ZNF521: variants seen among roughly 807,000 people sequenced by gnomAD.
ZNF521 encodes the protein LYST-interacting protein 3.
ZNF521 carries 14 observed loss-of-function variants against 105.5 expected under a neutral mutation model. That is an observed-to-expected ratio of 0.13 (90% CI 0.09 to 0.21). ZNF521 has a LOEUF of 0.21. Among genes scored for constraint, ZNF521 ranks in the 10% least tolerant of loss-of-function variants. The pLI is 1.00. For synonymous variants in ZNF521, 635 were observed against 606.0 expected (o/e 1.05, Z -0.70); for missense variants, 1,233 against 1,629.7 (o/e 0.76, Z 4.19).
intron 4 of ZNF521, among the ~76,000 whole-genome samples, chr18:25,213,396 G>A (rs966191110): frequency 6.6e-6 from 1 of 151,370 alleles, no homozygotes; most frequent in African/African-American, 2.4e-5. Context: ...ATTGACTTTT[G>A]AGATAAAAAT....
intron 5 of ZNF521, among the ~76,000 whole-genome samples, chr18:25,104,523 A>G (rs1200524447): frequency 2.6e-5 from 4 of 152,210 alleles, no homozygotes; most frequent in African/African-American, 4.8e-5. Context: ...AGAAATCATA[A>G]AAGTCCAGGA....
At chr18:25,333,175 C>T (rs1417873206) in intron 2 of ZNF521, among the ~76,000 whole-genome samples, 2 of 151,432 alleles carry the variant, frequency 1.3e-5, no homozygotes, top group East Asian at 3.9e-4. Context: ...TCCAAATATG[C>T]ATAAAGTAAT....
intron 5 of ZNF521, among the ~76,000 whole-genome samples, chr18:25,141,385 C>G (rs1426019796): frequency 6.6e-6 from 1 of 152,166 alleles, no homozygotes; most frequent in Non-Finnish European, 1.5e-5. Flanking sequence ...ACCACACTAC[C>G]CACATGCTTT....
chr18:25,324,035 T>A (rs535819229), intron 2 of ZNF521, among the ~76,000 whole-genome samples: 1 of 152,162 alleles, frequency 6.6e-6, no homozygotes, highest in African/African-American at 2.4e-5. Context: ...TGATTTGCCA[T>A]CTGGAAAATT....
intron 3 of ZNF521, among the ~76,000 whole-genome samples, chr18:25,275,666 A>T (rs1021037897): frequency 1.3e-5 from 2 of 152,170 alleles, no homozygotes; most frequent in African/African-American, 4.8e-5. Flanking sequence ...TCTCCCCATC[A>T]GCCAAGGTTT....
intron 2 of ZNF521, among the ~76,000 whole-genome samples, chr18:25,350,069 C>T (rs1045655347): frequency 6.6e-6 from 1 of 152,174 alleles, no homozygotes; most frequent in South Asian, 2.1e-4. Context: ...ACGTGACTCT[C>T]CTCGCCACAT....
At chr18:25,149,943 T>C (rs1188377977) in intron 5 of ZNF521, among the ~76,000 whole-genome samples, 3 of 152,164 alleles carry the variant, frequency 2.0e-5, no homozygotes, top group African/African-American at 7.2e-5. Context: ...CCATCAAAAC[T>C]TTTTTATAAC....
intron 5 of ZNF521, among the ~76,000 whole-genome samples, chr18:25,179,731 C>T (rs1475700697): frequency 6.6e-6 from 1 of 152,156 alleles, no homozygotes; most frequent in East Asian, 1.9e-4. Flanking sequence ...ATTCATTTCA[C>T]TTTTGTACCA....
chr18:25,062,712 C>T lies in ZNF521; in HGVS notation c.3936G>A (p.Ter1312=), dbSNP rs2032930554. 1.5e-6 allele frequency: 2 copies of T among 1,331,626 alleles called. No homozygotes were observed. The highest frequency in any genetic ancestry group is 2.0e-6 in the Non-Finnish European group (2 of 1,014,314). 82.5% of individuals were successfully genotyped at this position (1,331,626 alleles called of 1,614,324 possible). A position where few individuals can be genotyped will look rare whatever the true frequency, so the allele number is the denominator to read the frequency against. ...TTCTCCTTGAGAGACTGTACTTGCACTAACTGCTGTGTTGGGTCATTGTAT... is the reference window on the plus strand; with the variant it reads ...TTCTCCTTGAGAGACTGTACTTGCATTAACTGCTGTGTTGGGTCATTGTAT... ...QNHTMTQHSS[*] Residue 1312 remains the stop codon, a stop_retained_variant, in exon 8 of 8, where the codon TAG becomes TAA. Transcript: ENST00000361524.
intron 5 of ZNF521, among the ~76,000 whole-genome samples, chr18:25,140,783 T>C (rs1159648976): frequency 6.6e-6 from 1 of 152,168 alleles, no homozygotes; most frequent in African/African-American, 2.4e-5. Context: ...TGAAGATTTT[T>C]TAGTGTAGAA....
At position 25,226,821 on chromosome 18, in the gene ZNF521, T is replaced by G. The variant is rs745886058; in HGVS notation, c.1097A>C (p.Asp366Ala). ...GGCAGCTTCCACCATGGTTGAGCTG[T>G]CCACTGAGAGGTTGGAATCTGGAGT... ...STTPDSNLSV[D>A]SSTMVEAAPP... The change falls in exon 4 of 8, where the codon GAC becomes GCC. Residue 366 changes from aspartate (D) to alanine (A), a missense_variant. Around this residue, in one of 6 missense-constraint regions of ZNF521, gnomAD observed 380 missense variants for 478.0 expected, o/e 0.80. Transcript: ENST00000361524. The surrounding 1 kb of genome is among the most constrained non-coding windows in gnomAD (Gnocchi z 4.1). 3 of 1,614,012 alleles carry G rather than the reference T, an allele frequency of 1.9e-6. No homozygotes were observed. The South Asian group carries it at 3.3e-5, about 18-fold the overall frequency.
rs775552635 is a variant in ZNF521, at chr18:25,062,749, T to TAAA, written c.3907-9_3907-8insTTT. ...TTGGGTCATTGTATGATTCTGTAAA[T>TAAA]AACAAAAAAAAAAAAAAAAAAAAAA... On this transcript the variant is annotated splice_polypyrimidine_tract_variant and intron_variant, in intron 7 of 7. Coordinates refer to ENST00000361524, the MANE Select transcript of ZNF521 (RefSeq NM_015461.3). 14 of 204,604 alleles carry TAAA rather than the reference T, an allele frequency of 6.8e-5. No individual in the cohort carries two copies. The highest frequency in any genetic ancestry group is 2.2e-4 in the South Asian group (3 of 13,898). 12.7% of individuals were successfully genotyped at this position (204,604 alleles called of 1,614,324 possible). A position where few individuals can be genotyped will look rare whatever the true frequency, so the allele number is the denominator to read the frequency against.
intron 3 of ZNF521, among the ~76,000 whole-genome samples, chr18:25,249,768 A>T (rs541024752): frequency 6.6e-6 from 1 of 152,210 alleles, no homozygotes; most frequent in Admixed American, 6.5e-5. Context: ...GGTCTTCTTT[A>T]CTTTCTATCT....
intron 5 of ZNF521, among the ~76,000 whole-genome samples, chr18:25,156,536 C>T (rs2035148688): frequency 2.0e-5 from 3 of 152,182 alleles, no homozygotes; most frequent in Admixed American, 2.0e-4. Flanking sequence ...AGTAGAAAGA[C>T]TGGACCTGGT....
intron 3 of ZNF521, among the ~76,000 whole-genome samples, chr18:25,314,834 A>G (rs1339902414): frequency 6.6e-6 from 1 of 152,244 alleles, no homozygotes; most frequent in Non-Finnish European, 1.5e-5. Flanking sequence ...GAAGAGAAAA[A>G]TGACTCAGAA....
chr18:25,068,502 T>G (rs2033130309), intron 7 of ZNF521, among the ~76,000 whole-genome samples: 1 of 146,966 alleles, frequency 6.8e-6, no homozygotes, highest in Non-Finnish European at 1.5e-5. Context: ...CTTTTTTTCA[T>G]TTTTAATTTT....
At chr18:25,319,770 C>T (rs1912838303) in intron 3 of ZNF521, among the ~76,000 whole-genome samples, 1 of 152,134 alleles carries the variant, frequency 6.6e-6, no homozygotes, top group African/African-American at 2.4e-5. Flanking sequence ...TCGTTAACAA[C>T]ATCAACATGG....
chr18:25,212,379 G>T (rs758766713), intron 4 of ZNF521, among the ~76,000 whole-genome samples: 1 of 149,820 alleles, frequency 6.7e-6, no homozygotes. Flanking sequence ...GCATGGTGGC[G>T]CACACCTGTA....
chr18:25,338,874 C>T (rs897055574), intron 2 of ZNF521, among the ~76,000 whole-genome samples: 1 of 152,134 alleles, frequency 6.6e-6, no homozygotes, highest in Non-Finnish European at 1.5e-5. Flanking sequence ...ATAGCTAAGA[C>T]ATAAAATAGA....
Sources: allele counts gnomAD v4.1 joint callset (sites outside exome capture counted in the v4.1 genomes callset), GRCh38; gene constraint gnomAD v4.1.1; regional missense constraint gnomAD v4.1.1; non-coding constraint Gnocchi (gnomAD v3.1); transcripts MANE v1.5; gene names NCBI Gene and HGNC (gene_info 2026-07-23, HGNC 2026-07-21).